COL5A1: variants seen among roughly 807,000 people sequenced by gnomAD.
COL5A1 encodes the protein collagen type V alpha 1 chain, also known as collagen alpha-1(V) chain.
In COL5A1, 16 loss-of-function variants were observed where a neutral mutation model predicts 263.7. The ratio of observed to expected loss-of-function variants is 0.06; its 90% CI spans 0.04 to 0.09. The LOEUF is 0.09. Ranked by LOEUF, COL5A1 falls within the 10% of genes least tolerant of loss-of-function variation. COL5A1 has a pLI of 1.00. For missense variants in COL5A1, 2,036 were observed against 2,540.5 expected, an observed-to-expected ratio of 0.80 and a Z score of 4.27; for synonymous variants, 1,012 against 1,004.5, an observed-to-expected ratio of 1.01 and a Z score of -0.14.
At chr9:134,643,917 C>T (rs1441753063) in intron 1 of COL5A1, among the ~76,000 whole-genome samples, 5 of 152,150 alleles carry the variant, frequency 3.3e-5, no homozygotes, top group Non-Finnish European at 5.9e-5. Flanking sequence ...CCATTTCCCT[C>T]CCTGCCCATC....
At chr9:134,820,450 C>T (rs567961325) in intron 58 of COL5A1, among the ~76,000 whole-genome samples, 7 of 152,284 alleles carry the variant, frequency 4.6e-5, no homozygotes, top group East Asian at 1.9e-4. Flanking sequence ...GACTGGCAGG[C>T]GGGGCTTCCT....
At chr9:134,748,740 C>T (rs1329891524) in intron 11 of COL5A1, among the ~76,000 whole-genome samples, 1 of 152,154 alleles carries the variant, frequency 6.6e-6, no homozygotes, top group African/African-American at 2.4e-5. Context: ...GAGGGACTTA[C>T]CTAGTAGAAT....
chr9:134,684,166 C>T (rs368346038), intron 1 of COL5A1, among the ~76,000 whole-genome samples: 9 of 152,322 alleles, frequency 5.9e-5, no homozygotes, highest in African/African-American at 1.2e-4. Flanking sequence ...AGGCTGTGAC[C>T]GGGCCGAAGT....
At position 134,825,892 on chromosome 9, in the gene COL5A1, G is replaced by T. The variant is rs1218156907; in HGVS notation, c.5055G>T (p.Lys1685Asn). The change falls in exon 63 of 66, where the codon AAG (lysine) becomes AAT (asparagine). Residue 1685 changes from lysine (K) to asparagine (N), a missense_variant. Lys to Asn is a moderately conservative substitution (Grantham distance 94). Coordinates refer to ENST00000371817, the MANE Select transcript of COL5A1 (RefSeq NM_000093.5). ...AGGSTCVFPD[K>N]KSEGARITSW... ...GGTCGACATGCGTCTTCCCTGACAAGAAGTCCGAAGGGGTGAGTAGCTGTG... is the reference window on the plus strand; with the variant it reads ...GGTCGACATGCGTCTTCCCTGACAATAAGTCCGAAGGGGTGAGTAGCTGTG... 1.2e-6 allele frequency: 2 copies of T among 1,611,738 alleles called. No individual in the cohort carries two copies. Among genetic ancestry groups the T allele is most frequent in the East Asian group, 4.5e-5 (2 of 44,816 alleles).
In COL5A1 at chr9:134,700,222, A is replaced by C. The variant is rs989463243; in HGVS notation, c.491+100A>C. The C allele has an allele frequency of 5.2e-6, 6 of 1,159,530 alleles. No individual in the cohort carries two copies. In the African/African-American group the frequency reaches 7.6e-5, roughly 15 times the overall value. The allele number at this position is 1,159,530 out of a possible 1,614,324, so 71.8% of individuals were successfully genotyped here. A position where few individuals can be genotyped will look rare whatever the true frequency, so the allele number is the denominator to read the frequency against. ...TGGGGCACAGTAGAGGACGTGCAGC[A>C]GCCGGTACTGAGACTCCCACAGACG... On this transcript the variant is annotated intron_variant, in intron 3 of 65. Transcript: ENST00000371817. This position sits in a 1 kb window ranked among gnomAD's most constrained non-coding sequence, Gnocchi z 4.0.
intron 18 of COL5A1, among the ~76,000 whole-genome samples, chr9:134,759,156 A>G (rs1836109423): frequency 6.6e-6 from 1 of 151,886 alleles, no homozygotes; most frequent in Non-Finnish European, 1.5e-5. Flanking sequence ...GCTCCTTTAT[A>G]TTTTAGCACA....
rs1263397275 is a variant in COL5A1, at chr9:134,674,913, A to G, written c.110-15999A>G. Among the ~76,000 whole-genome samples, 4 of 152,178 alleles carry G rather than the reference A, an allele frequency of 2.6e-5. No homozygotes were observed. The East Asian group carries it at 7.7e-4, about 29-fold the overall frequency. ...AGAAAAAGAATGAATTTTACTGCAT[A>G]TAAATTATACCTCCATGAACCTGAC... On this transcript the variant is annotated intron_variant, in intron 1 of 65. Coordinates refer to ENST00000371817, the MANE Select transcript of COL5A1 (RefSeq NM_000093.5).
chr9:134,813,585 C>A (rs1203531321), intron 48 of COL5A1, among the ~76,000 whole-genome samples: 1 of 152,238 alleles, frequency 6.6e-6, no homozygotes, highest in African/African-American at 2.4e-5. Context: ...TGTGCATGCC[C>A]TCTTCCCTGC....
At chr9:134,669,161 C>A (rs1174718537) in intron 1 of COL5A1, among the ~76,000 whole-genome samples, 1 of 148,562 alleles carries the variant, frequency 6.7e-6, no homozygotes, top group Non-Finnish European at 1.5e-5. Flanking sequence ...ACTCTTCCTT[C>A]CTTCCCTCCC....
chr9:134,738,535 C>A lies in COL5A1; in HGVS notation c.1431+20C>A, dbSNP rs766773815. ...CCCGCGGTGAGTATCCGGCTTTATC[C>A]TGTGACTTGCAGAAGGTGCTCTTGG... On this transcript the variant is annotated intron_variant, in intron 10 of 65. Transcript: ENST00000371817. 4.4e-5 allele frequency: 71 copies of A among 1,613,932 alleles called. No individual in the cohort carries two copies. The East Asian group carries it at 1.6e-3, about 36-fold the overall frequency.
Position 134,810,242 on chromosome 9 carries a change from C to T in COL5A1, c.3475-13C>T. ...TCAAGCTTTCTAACCGAATCCCCCA[C>T]ACCTTCCCCTAGGGAGAGATCGGGG... On this transcript the variant is annotated splice_polypyrimidine_tract_variant and intron_variant, in intron 43 of 65. Coordinates refer to ENST00000371817, the MANE Select transcript of COL5A1 (RefSeq NM_000093.5). The T allele has an allele frequency of 1.2e-6, 2 of 1,614,032 alleles. No homozygotes were observed. The highest frequency in any genetic ancestry group is 1.7e-6 in the Non-Finnish European group (2 of 1,179,868).
intron 4 of COL5A1, among the ~76,000 whole-genome samples, chr9:134,703,282 A>G (rs1181937747): frequency 6.6e-6 from 1 of 152,200 alleles, no homozygotes; most frequent in East Asian, 1.9e-4. Flanking sequence ...AGACCTGCCT[A>G]GGCGCCTGGA....
rs368228381 is a variant in COL5A1 at position 134,697,449 on chromosome 9, G to A, written c.278-2460G>A. Among the ~76,000 whole-genome samples, 9 of 152,296 alleles carry A rather than the reference G, an allele frequency of 5.9e-5. No homozygotes were observed. The South Asian group carries it at 6.2e-4, about 11-fold the overall frequency. ...CCTTGTGCCGGAGACATGAGTGTGC[G>A]CAACTCGTTCTTTGATCTTTTAAGA... On this transcript the variant is annotated intron_variant, in intron 2 of 65. Coordinates refer to ENST00000371817, the MANE Select transcript of COL5A1 (RefSeq NM_000093.5).
intron 57 of COL5A1, 46 bp from the exon 58 acceptor site, chr9:134,820,070 G>C: frequency 6.9e-7 from 1 of 1,459,374 alleles, no homozygotes; most frequent in South Asian, 1.1e-5. Flanking sequence ...CCGAGCATGA[G>C]GCGTGGCTCC....
chr9:134,769,724 C>T (rs763440186), intron 25 of COL5A1, among the ~76,000 whole-genome samples: 10 of 151,218 alleles, frequency 6.6e-5, no homozygotes, highest in Non-Finnish European at 1.2e-4. Context: ...GCAGGCCACA[C>T]GAGGAAGGGG....
rs1341152200 is a variant in COL5A1 at position 134,757,293 on chromosome 9, C to T, written c.1881+475C>T. On this transcript the variant is annotated intron_variant, in intron 17 of 65. Coordinates refer to ENST00000371817, the MANE Select transcript of COL5A1 (RefSeq NM_000093.5). This position sits in a 1 kb window ranked among gnomAD's most constrained non-coding sequence, Gnocchi z 6.2. Reference sequence around the variant, plus strand: ...CTGTTGCTGTCGCCACTCATGCCTGCCCGCTGCTGTGCTCAGTGTATCCAC... The same window carrying T: ...CTGTTGCTGTCGCCACTCATGCCTGTCCGCTGCTGTGCTCAGTGTATCCAC... Among the ~76,000 whole-genome samples the T allele has an allele frequency of 1.3e-5, 2 of 152,182 alleles. No homozygotes were observed. The highest frequency in any genetic ancestry group is 4.8e-5 in the African/African-American group (2 of 41,430).
At chr9:134,829,119 ATCAT>A (rs55712373) in intron 63 of COL5A1, among the ~76,000 whole-genome samples, 1 of 151,804 alleles carries the variant, frequency 6.6e-6, no homozygotes, top group Non-Finnish European at 1.5e-5. Context: ...CCCTTGGTCC[ATCAT>A]TCATTCATTC....
In COL5A1 at chr9:134,794,065, C is replaced by T. The variant is rs1372756964; in HGVS notation, c.2701-1017C>T. Among the ~76,000 whole-genome samples the T allele has an allele frequency of 6.6e-6, 1 of 152,138 alleles. No individual in the cohort carries two copies. The highest frequency in any genetic ancestry group is 6.6e-5 in the Admixed American group (1 of 15,264). The stretch of plus-strand genomic sequence containing the variant: ...AAGTTCAGCCAGGCACGGTGGCTCA[C>T]GCTTGTAATCCCAGCACTTTGGGAG... On this transcript the variant is annotated intron_variant, in intron 32 of 65. Transcript: ENST00000371817. The surrounding 1 kb of genome is among the most constrained non-coding windows in gnomAD (Gnocchi z 4.3).
At chr9:134,775,532 C>T (rs1837022314) in intron 27 of COL5A1, among the ~76,000 whole-genome samples, 1 of 152,190 alleles carries the variant, frequency 6.6e-6, no homozygotes, top group African/African-American at 2.4e-5. Context: ...GACACAGGTC[C>T]CCTCTGTCAC....
Sources: gnomAD v4.1 joint callset for allele counts (sites outside exome capture counted in the v4.1 genomes callset) on GRCh38, gnomAD v4.1.1 for gene constraint, Gnocchi (gnomAD v3.1) non-coding constraint, MANE v1.5 for transcripts, NCBI Gene and HGNC (gene_info 2026-07-23, HGNC 2026-07-21) for gene names.